The following KIRREL3 variants were observed in gnomAD, a reference collection of about 807,000 sequenced individuals.
The protein encoded by KIRREL3 is kin of IRRE-like protein 3.
Under a neutral mutation model 89.7 loss-of-function variants are expected in KIRREL3, and 36 were observed. The observed-to-expected ratio is 0.40, with a 90% CI of 0.31 to 0.53. The LOEUF is 0.53. Among genes scored for constraint, KIRREL3 ranks in the 20% least tolerant of loss-of-function variants. KIRREL3 has a pLI of 0.49. For synonymous variants in KIRREL3, 445 were observed against 441.4 expected, an observed-to-expected ratio of 1.01 and a Z score of -0.10; for missense variants, 864 against 1,056.6, an observed-to-expected ratio of 0.82 and a Z score of 2.53.
chr11:126,487,446 G>A (rs536989683), intron 4 of KIRREL3, among the ~76,000 whole-genome samples: 3 of 152,242 alleles, frequency 2.0e-5, no homozygotes, highest in African/African-American at 7.2e-5. Flanking sequence ...ACTTTCTCTA[G>A]GCCTCTTGCT....
At position 126,764,756 on chromosome 11, in the gene KIRREL3, C is replaced by A. The variant is rs1221109173; in HGVS notation, c.56-201844G>T. The stretch of plus-strand genomic sequence containing the variant: ...GAACATACTATCCAGCTTCTTAGGG[C>A]CTGTGCTGTAAGCCTCCGGGGCCAT... On this transcript the variant is annotated intron_variant, in intron 1 of 16. Coordinates refer to ENST00000525144, the MANE Select transcript of KIRREL3 (RefSeq NM_032531.4). This position sits in a 1 kb window ranked among gnomAD's most constrained non-coding sequence, Gnocchi z 4.2. 6.6e-6 allele frequency among the ~76,000 whole-genome samples: 1 copy of A among 152,174 alleles called. No homozygotes were observed. Among genetic ancestry groups the A allele is most frequent in the Non-Finnish European group, 1.5e-5 (1 of 68,034 alleles).
chr11:126,855,624 G>A (rs1944480944), intron 1 of KIRREL3, among the ~76,000 whole-genome samples: 1 of 152,246 alleles, frequency 6.6e-6, no homozygotes, highest in South Asian at 2.1e-4. Flanking sequence ...ACATTATCAT[G>A]TGTGAGACTC....
chr11:126,455,516 C>T lies in KIRREL3; in HGVS notation c.848+833G>A, dbSNP rs543492747. ...AAAACAGTGATGCTTTGGCCGGGTG[C>T]GGTGGCTCATGCCTGTAATCCCAGC... On this transcript the variant is annotated intron_variant, in intron 7 of 16. Coordinates refer to ENST00000525144, the MANE Select transcript of KIRREL3 (RefSeq NM_032531.4). This position sits in a 1 kb window ranked among gnomAD's most constrained non-coding sequence, Gnocchi z 6.4. Among the ~76,000 whole-genome samples, 9 of 152,146 alleles carry T rather than the reference C, an allele frequency of 5.9e-5. No homozygotes were observed. Among genetic ancestry groups the T allele is most frequent in the East Asian group, 1.9e-4 (1 of 5,174 alleles).
intron 1 of KIRREL3, among the ~76,000 whole-genome samples, chr11:126,968,047 C>CA (rs1257161083): frequency 4.6e-5 from 7 of 152,202 alleles, no homozygotes; most frequent in Non-Finnish European, 5.9e-5. Context: ...AAAGAAACTT[C>CA]ATAGACATTT....
Position 126,446,738 on chromosome 11 carries a change from AG to A in KIRREL3, c.1125+20del. ...CCCGCCCCCTGCCAGAGGTGCCCCG[AG>A]GTCTGAGCTGCAGCCTCACCACTCC... On this transcript the variant is annotated intron_variant, in intron 9 of 16. Transcript: ENST00000525144. The A allele has an allele frequency of 6.3e-7, 1 of 1,590,090 alleles. No homozygotes were observed. The highest frequency in any genetic ancestry group is 8.6e-7 in the Non-Finnish European group (1 of 1,168,422).
At position 126,890,145 on chromosome 11, in the gene KIRREL3, A is replaced by G. The variant is rs1945854764; in HGVS notation, c.55+110310T>C. ...TAGTTAAATTCTTGAGTTAAAATGAAGATAAAATTATTGGGGAGGTGGGGA... is the reference window on the plus strand; with the variant it reads ...TAGTTAAATTCTTGAGTTAAAATGAGGATAAAATTATTGGGGAGGTGGGGA... On this transcript the variant is annotated intron_variant, in intron 1 of 16. Transcript: ENST00000525144. The surrounding 1 kb of genome is among the most constrained non-coding windows in gnomAD (Gnocchi z 5.1). Among the ~76,000 whole-genome samples the G allele has an allele frequency of 6.6e-6, 1 of 152,176 alleles. No individual in the cohort carries two copies. The highest frequency in any genetic ancestry group is 2.4e-5 in the African/African-American group (1 of 41,432).
At chr11:126,658,812 G>A (rs2135003828) in intron 1 of KIRREL3, among the ~76,000 whole-genome samples, 1 of 152,304 alleles carries the variant, frequency 6.6e-6, no homozygotes, top group South Asian at 2.1e-4. Flanking sequence ...TGAAAGTAGA[G>A]TCCTTTATGT....
Position 126,571,207 on chromosome 11 carries a change from T to C in KIRREL3, c.56-8295A>G, listed in dbSNP as rs1258150108. 6.6e-6 allele frequency among the ~76,000 whole-genome samples: 1 copy of C among 152,202 alleles called. No homozygotes were observed. Among genetic ancestry groups the C allele is most frequent in the African/African-American group, 2.4e-5 (1 of 41,452 alleles). ...GATACCTTGCCTAGCTCTTATCATC[T>C]TTCTCTCCTTGGAGGGCTGGGTTCC... On this transcript the variant is annotated intron_variant, in intron 1 of 16. Transcript: ENST00000525144. The surrounding 1 kb of genome is among the most constrained non-coding windows in gnomAD (Gnocchi z 7.7).
chr11:126,702,022 A>G (rs1309740212), intron 1 of KIRREL3, among the ~76,000 whole-genome samples: 1 of 152,156 alleles, frequency 6.6e-6, no homozygotes. Context: ...CTACCTCCCT[A>G]TTTAACTTAT....
Position 126,844,033 on chromosome 11 carries a change from T to A in KIRREL3, c.55+156422A>T, listed in dbSNP as rs1055719229. On this transcript the variant is annotated intron_variant, in intron 1 of 16. Coordinates refer to ENST00000525144, the MANE Select transcript of KIRREL3 (RefSeq NM_032531.4). The surrounding 1 kb of genome is among the most constrained non-coding windows in gnomAD (Gnocchi z 4.8). ...TCCTTTACTTTCTTAATAAACTTGCTTTCACTTTATGCTCTGGACTCGCCC... is the reference window on the plus strand; with the variant it reads ...TCCTTTACTTTCTTAATAAACTTGCATTCACTTTATGCTCTGGACTCGCCC... 2.6e-5 allele frequency among the ~76,000 whole-genome samples: 4 copies of A among 152,230 alleles called. No individual in the cohort carries two copies. The highest frequency in any genetic ancestry group is 6.5e-5 in the Admixed American group (1 of 15,286).
chr11:126,490,634 T>A lies in KIRREL3; in HGVS notation c.434-17168A>T, dbSNP rs75341868. 1.3e-5 allele frequency among the ~76,000 whole-genome samples: 2 copies of A among 152,132 alleles called. No homozygotes were observed. Among genetic ancestry groups the A allele is most frequent in the African/African-American group, 2.4e-5 (1 of 41,402 alleles). On this transcript the variant is annotated intron_variant, in intron 4 of 16. Coordinates refer to ENST00000525144, the MANE Select transcript of KIRREL3 (RefSeq NM_032531.4). This position sits in a 1 kb window ranked among gnomAD's most constrained non-coding sequence, Gnocchi z 4.2. ...GTTATTTGAGCCTGTGTCTTCGTCATAAAATAAGAGGGATAATAATTCTGT... is the reference window on the plus strand; with the variant it reads ...GTTATTTGAGCCTGTGTCTTCGTCAAAAAATAAGAGGGATAATAATTCTGT...
chr11:126,502,863 G>A (rs955669893), intron 4 of KIRREL3, among the ~76,000 whole-genome samples: 4 of 152,082 alleles, frequency 2.6e-5, no homozygotes, highest in African/African-American at 9.7e-5. Context: ...ACCTGCCTTC[G>A]CCTTAATTAT....
At chr11:126,546,684 C>T (rs888360774) in intron 2 of KIRREL3, among the ~76,000 whole-genome samples, 1 of 152,240 alleles carries the variant, frequency 6.6e-6, no homozygotes, top group Non-Finnish European at 1.5e-5. Flanking sequence ...CCCCTTCCCT[C>T]CCCAGCACAC....
chr11:126,871,800 A>G (rs958958141), intron 1 of KIRREL3, among the ~76,000 whole-genome samples: 1 of 152,198 alleles, frequency 6.6e-6, no homozygotes, highest in African/African-American at 2.4e-5. Flanking sequence ...CACTGAAACC[A>G]GCTATACTTT....
At position 126,473,486 on chromosome 11, in the gene KIRREL3, G is replaced by A; in HGVS notation, c.434-20C>T. ...GCGGCACTGCGGGGAGAGAAGCAGT[G>A]AGGTCAGGCCGAGGCTCCCACCTCG... On this transcript the variant is annotated intron_variant, in intron 4 of 16. Coordinates refer to ENST00000525144, the MANE Select transcript of KIRREL3 (RefSeq NM_032531.4). The A allele has an allele frequency of 6.5e-7, 1 of 1,529,862 alleles. No homozygotes were observed. Among genetic ancestry groups the A allele is most frequent in the Non-Finnish European group, 8.9e-7 (1 of 1,124,266 alleles). 94.8% of individuals were successfully genotyped at this position (1,529,862 alleles called of 1,614,324 possible). A position where few individuals can be genotyped will look rare whatever the true frequency, so the allele number is the denominator to read the frequency against.
At chr11:126,962,815 C>T (rs1443939290) in intron 1 of KIRREL3, among the ~76,000 whole-genome samples, 1 of 152,148 alleles carries the variant, frequency 6.6e-6, no homozygotes, top group Admixed American at 6.5e-5. Context: ...CAACTTTCAG[C>T]AACCACCACC....
chr11:126,879,360 T>C lies in KIRREL3; in HGVS notation c.55+121095A>G, dbSNP rs1426133414. ...GAATTACTGAACCGTCACACACATC[T>C]GGAAATGTATGTTTCAACTCTTTCT... is the stretch of plus-strand genomic sequence containing the variant. On this transcript the variant is annotated intron_variant, in intron 1 of 16. Coordinates refer to ENST00000525144, the MANE Select transcript of KIRREL3 (RefSeq NM_032531.4). The surrounding 1 kb of genome is among the most constrained non-coding windows in gnomAD (Gnocchi z 5.4). Among the ~76,000 whole-genome samples the C allele has an allele frequency of 6.6e-6, 1 of 152,214 alleles. No individual in the cohort carries two copies. Among genetic ancestry groups the C allele is most frequent in the Non-Finnish European group, 1.5e-5 (1 of 68,038 alleles).
In KIRREL3 at chr11:126,703,654, G is replaced by C. The variant is rs1306209107; in HGVS notation, c.56-140742C>G. Among the ~76,000 whole-genome samples the C allele has an allele frequency of 1.3e-5, 2 of 152,248 alleles. No homozygotes were observed. The highest frequency in any genetic ancestry group is 2.9e-5 in the Non-Finnish European group (2 of 68,042). On this transcript the variant is annotated intron_variant, in intron 1 of 16. Coordinates refer to ENST00000525144, the MANE Select transcript of KIRREL3 (RefSeq NM_032531.4). The surrounding 1 kb of genome is among the most constrained non-coding windows in gnomAD (Gnocchi z 4.6). ...CTTTGTCTTCATTCATGATACAAAA[G>C]AGATGTCTGTTTTCCTGAGGCCCAC...
chr11:126,899,750 A>G (rs1282521857), intron 1 of KIRREL3, among the ~76,000 whole-genome samples: 1 of 152,358 alleles, frequency 6.6e-6, no homozygotes, highest in African/African-American at 2.4e-5. Context: ...TTGGTTAGCT[A>G]GGGCTAGTGA....
Sources: gnomAD v4.1 joint callset for allele counts (sites outside exome capture counted in the v4.1 genomes callset) on GRCh38, gnomAD v4.1.1 for gene constraint, Gnocchi (gnomAD v3.1) non-coding constraint, MANE v1.5 for transcripts, NCBI Gene and HGNC (gene_info 2026-07-23, HGNC 2026-07-21) for gene names.